Variants in ST7 observed in about 807,000 individuals in gnomAD.
ST7 encodes suppression of tumorigenicity 7.
Under a neutral mutation model 78.7 loss-of-function variants are expected in ST7, and 28 were observed. The observed-to-expected ratio is 0.36, with a 90% CI of 0.26 to 0.49. ST7 has a LOEUF of 0.49. ST7 is among the 20% of genes least tolerant of loss of function. The pLI, the probability that ST7 is intolerant of heterozygous loss-of-function variation, is 0.99. For missense variants in ST7, 418 were observed against 696.0 expected, an observed-to-expected ratio of 0.60 and a Z score of 4.49; for synonymous variants, 247 against 249.6, an observed-to-expected ratio of 0.99 and a Z score of 0.10.
chr7:117,160,541 C>T (rs1049144591), intron 9 of ST7, among the ~76,000 whole-genome samples: 1 of 146,312 alleles, frequency 6.8e-6, no homozygotes, highest in African/African-American at 2.7e-5. Flanking sequence ...CAATCCCTTT[C>T]ATCTCTCTCT....
At chr7:116,966,253 T>C (rs1793108505) in intron 1 of ST7, 12 of 286,650 alleles carry the variant, frequency 4.2e-5, no homozygotes, top group South Asian at 2.4e-4. Flanking sequence ...CTTTCTTTTT[T>C]TTTTTTTTTT....
intron 10 of ST7, among the ~76,000 whole-genome samples, chr7:117,171,946 C>CTTTTT (rs35780344): frequency 1.7e-4 from 23 of 132,890 alleles, no homozygotes; most frequent in East Asian, 1.1e-3. Flanking sequence ...CCATTTGGGT[C>CTTTTT]TTTTTTTTTT....
intron 12 of ST7, among the ~76,000 whole-genome samples, chr7:117,205,156 C>T (rs1371315054): frequency 2.0e-5 from 3 of 152,184 alleles, no homozygotes; most frequent in Admixed American, 6.5e-5. Context: ...ATTTAACCAC[C>T]ATGAACATTC....
intron 1 of ST7, chr7:117,073,057 A>G (rs1799082279): frequency 6.6e-6 from 1 of 152,208 alleles, no homozygotes; most frequent in Non-Finnish European, 1.5e-5. Context: ...GACAGGAAAC[A>G]TTGCGGCTGC....
At chr7:117,226,163 C>G (rs1793433464) in intron 15 of ST7, among the ~76,000 whole-genome samples, 1 of 152,142 alleles carries the variant, frequency 6.6e-6, no homozygotes, top group Non-Finnish European at 1.5e-5. Flanking sequence ...TGCAGTAGGG[C>G]ACCTGGAAGT....
intron 1 of ST7, among the ~76,000 whole-genome samples, chr7:116,978,821 A>G (rs1472816536): frequency 6.6e-6 from 1 of 152,162 alleles, no homozygotes; most frequent in East Asian, 1.9e-4. Flanking sequence ...TCCTGAGCTC[A>G]GGTGATCTGC....
At chr7:117,148,550 T>C (rs1805992333) in intron 9 of ST7, among the ~76,000 whole-genome samples, 1 of 152,224 alleles carries the variant, frequency 6.6e-6, no homozygotes, top group African/African-American at 2.4e-5. Context: ...CTGTCTTTCA[T>C]GTTTTCTATG....
chr7:117,189,566 C>G (rs1809585602), intron 11 of ST7, among the ~76,000 whole-genome samples, 173 bp downstream of exon 11: 1 of 152,162 alleles, frequency 6.6e-6, no homozygotes. Context: ...GAATGTATAT[C>G]CTCAGGTAAT....
intron 1 of ST7, among the ~76,000 whole-genome samples, chr7:116,997,174 C>T (rs574419703): frequency 2.6e-5 from 4 of 152,234 alleles, no homozygotes; most frequent in African/African-American, 7.2e-5. Context: ...GTGAGTGTTA[C>T]AGCTCATAAA....
chr7:116,983,576 C>T (rs1277564797), intron 1 of ST7, among the ~76,000 whole-genome samples: 1 of 152,108 alleles, frequency 6.6e-6, no homozygotes, highest in East Asian at 1.9e-4. Flanking sequence ...GCTCTGACAC[C>T]ACATGCAGCC....
chr7:117,164,208 A>G (rs1469081943), intron 9 of ST7, among the ~76,000 whole-genome samples: 1 of 152,188 alleles, frequency 6.6e-6, no homozygotes, highest in Non-Finnish European at 1.5e-5. Flanking sequence ...CAGCCAACTG[A>G]TTTTGACAAA....
intron 1 of ST7, among the ~76,000 whole-genome samples, chr7:117,028,014 C>T (rs1345719470): frequency 6.6e-6 from 1 of 152,116 alleles, no homozygotes; most frequent in Non-Finnish European, 1.5e-5. Flanking sequence ...GTTTATCACA[C>T]ATAATGGGTA....
intron 14 of ST7, among the ~76,000 whole-genome samples, chr7:117,220,139 G>C (rs73716416): frequency 0.052 from 7,992 of 152,248 alleles, 703 homozygotes; most frequent in African/African-American, 0.18. Flanking sequence ...AGCCCTGGGT[G>C]CATAGTAAAT....
chr7:117,007,178 C>G lies in ST7; in HGVS notation c.151+53487C>G, dbSNP rs988021021. ...CTGACATAGGCCAGAAGCTAGGCCT[C>G]TTGTGCCAGTTAGCCAAGATATGGA... On this transcript the variant is annotated intron_variant, in intron 1 of 15. Coordinates refer to ENST00000323984, the MANE Select transcript of ST7 (RefSeq NM_001369598.1). 3.9e-5 allele frequency among the ~76,000 whole-genome samples: 6 copies of G among 152,332 alleles called. No homozygotes were observed. In the East Asian group the frequency reaches 1.2e-3, roughly 29 times the overall value.
At chr7:117,079,572 A>G (rs922967558) in intron 1 of ST7, among the ~76,000 whole-genome samples, 1 of 152,190 alleles carries the variant, frequency 6.6e-6, no homozygotes, top group African/African-American at 2.4e-5. Context: ...TATTCTGTCA[A>G]CTTATTCTTA....
chr7:117,118,169 G>GACCTGACACTCAAAGGAAGTGCTC (rs1325836572), intron 2 of ST7, among the ~76,000 whole-genome samples: 11 of 152,308 alleles, frequency 7.2e-5, no homozygotes, highest in African/African-American at 2.6e-4. Context: ...TTTGAGTGCT[G>GACCTGACACTCAAAGGAAGTGCTC]ACCTGACACT....
intron 1 of ST7, among the ~76,000 whole-genome samples, chr7:117,087,456 C>T (rs1800243108): frequency 1.3e-5 from 2 of 152,080 alleles, no homozygotes; most frequent in Admixed American, 1.3e-4. Flanking sequence ...AGAAAGGAGA[C>T]ACATTCATAA....
intron 1 of ST7, among the ~76,000 whole-genome samples, chr7:116,997,291 C>G (rs1034999013): frequency 6.6e-6 from 1 of 152,174 alleles, no homozygotes; most frequent in African/African-American, 2.4e-5. Context: ...CCACTGCTGG[C>G]TCGGGCAGCC....
At chr7:117,069,751 C>T (rs912668274) in intron 1 of ST7, among the ~76,000 whole-genome samples, 1 of 152,112 alleles carries the variant, frequency 6.6e-6, no homozygotes. Flanking sequence ...ACCAGAGTGC[C>T]CCTGTTGAGC....
Sources: allele counts gnomAD v4.1 joint callset (sites outside exome capture counted in the v4.1 genomes callset), GRCh38; gene constraint gnomAD v4.1.1; transcripts MANE v1.5; gene names NCBI Gene and HGNC (gene_info 2026-07-23, HGNC 2026-07-21).